TPD52: variants seen among roughly 807,000 people sequenced by gnomAD.
The protein encoded by TPD52 is prostate and colon associated protein.
TPD52 carries 17 observed loss-of-function variants against 31.3 expected under a neutral mutation model. The ratio of observed to expected loss-of-function variants is 0.54; its 90% CI spans 0.37 to 0.82. The LOEUF is 0.82. Among genes scored for constraint, TPD52 ranks in the 40% least tolerant of loss-of-function variants. The pLI is 0.00. For synonymous variants in TPD52, 83 were observed against 89.6 expected (o/e 0.93, Z 0.42); for missense variants, 212 against 240.1 (o/e 0.88, Z 0.77).
At chr8:80,104,752 T>C (rs918509573) in intron 1 of TPD52, among the ~76,000 whole-genome samples, 19 of 151,902 alleles carry the variant, frequency 1.3e-4, no homozygotes, top group Middle Eastern at 6.8e-3. Flanking sequence ...TAACCAGGTC[T>C]GCTTCTTTTT....
At chr8:80,055,786 T>C (rs6981810) in intron 2 of TPD52, among the ~76,000 whole-genome samples, 4,918 of 152,244 alleles carry the variant, frequency 0.032, 190 homozygotes, top group African/African-American at 0.091. Flanking sequence ...ATATTAAAAA[T>C]GCTCAACATC....
At chr8:80,119,003 T>C (rs1249202003) in intron 1 of TPD52, among the ~76,000 whole-genome samples, 1 of 152,058 alleles carries the variant, frequency 6.6e-6, no homozygotes, top group African/African-American at 2.4e-5. Context: ...AGTTAAAAAG[T>C]AAAAACAACC....
In TPD52 at chr8:80,064,577, G is replaced by A. The variant is rs373493951; in HGVS notation, c.36C>T (p.Asp12=). The change falls in exon 2 of 8, where the codon GAC becomes GAT. Residue 12 remains aspartate (D), a synonymous_variant. Coordinates refer to ENST00000518937, the MANE Select transcript of TPD52 (RefSeq NM_001025253.3). ...DRGEQGLLRT[D]PVPEEGEDVA... ...CATCTTCTCCTTCCTCAGGGACTGG[G>A]TCTGTTCTCAGCAGACCTGGTTGGG... 8.7e-6 allele frequency: 14 copies of A among 1,613,908 alleles called. No individual in the cohort carries two copies. In the African/African-American group the frequency reaches 1.9e-4, roughly 22 times the overall value.
At chr8:80,161,555 G>T (rs1811360434) in intron 1 of TPD52, among the ~76,000 whole-genome samples, 1 of 151,894 alleles carries the variant, frequency 6.6e-6, no homozygotes, top group Non-Finnish European at 1.5e-5. Context: ...CATTCTAGTG[G>T]GTTGGATAAA....
downstream of TPD52, among the ~76,000 whole-genome samples, chr8:80,032,312 C>G (rs2050996030): frequency 6.6e-6 from 1 of 152,144 alleles, no homozygotes; most frequent in Non-Finnish European, 1.5e-5. Context: ...TTTCTCCTTG[C>G]CTATACAAGT....
At chr8:80,119,252 G>T (rs753864261) in intron 1 of TPD52, among the ~76,000 whole-genome samples, 1 of 152,144 alleles carries the variant, frequency 6.6e-6, no homozygotes, top group Non-Finnish European at 1.5e-5. Flanking sequence ...ATTGCCTAGG[G>T]CTGGGAGTAA....
At chr8:80,041,579 G>A (rs1421187826) in intron 7 of TPD52, among the ~76,000 whole-genome samples, 1 of 152,152 alleles carries the variant, frequency 6.6e-6, no homozygotes, top group Admixed American at 6.5e-5. Flanking sequence ...GAGGTTGCCT[G>A]TGATCCTAAG....
intron 1 of TPD52, among the ~76,000 whole-genome samples, chr8:80,167,756 C>G (rs1811809882): frequency 1.3e-5 from 2 of 151,828 alleles, no homozygotes; most frequent in African/African-American, 2.4e-5. Flanking sequence ...TTTTTGAAGC[C>G]TTTCCTCTCT....
At chr8:80,124,615 C>A (rs1808475492) in intron 1 of TPD52, among the ~76,000 whole-genome samples, 1 of 152,140 alleles carries the variant, frequency 6.6e-6, no homozygotes, top group Non-Finnish European at 1.5e-5. Flanking sequence ...GTGTGGCTTA[C>A]AATTGATAGT....
At chr8:80,080,662 T>C (rs148226804) in intron 1 of TPD52, 174 of 1,287,518 alleles carry the variant, frequency 1.4e-4, no homozygotes, top group Middle Eastern at 3.0e-4. Context: ...ATTTAATAAA[T>C]GATTTATCCT....
intron 1 of TPD52, among the ~76,000 whole-genome samples, chr8:80,082,272 T>C (rs1815374089): frequency 6.6e-6 from 1 of 152,198 alleles, no homozygotes; most frequent in Non-Finnish European, 1.5e-5. Flanking sequence ...AAGAATGGAT[T>C]GTCTGGCTTC....
intron 1 of TPD52, among the ~76,000 whole-genome samples, chr8:80,071,525 A>G (rs1813784273): frequency 6.6e-6 from 1 of 151,918 alleles, no homozygotes; most frequent in Admixed American, 6.6e-5. Flanking sequence ...TCCACTAAGG[A>G]CAATTCTGGG....
At chr8:80,162,913 G>A (rs56934101) in intron 1 of TPD52, among the ~76,000 whole-genome samples, 28,516 of 151,548 alleles carry the variant, frequency 0.19, 3,588 homozygotes, top group African/African-American at 0.36. Flanking sequence ...GTGACAGAGT[G>A]AGACTGTGTC....
chr8:80,103,777 C>T (rs1426421515), intron 1 of TPD52, among the ~76,000 whole-genome samples: 1 of 152,160 alleles, frequency 6.6e-6, no homozygotes, highest in East Asian at 1.9e-4. Context: ...CTGGGTTTTG[C>T]AGGGAGGCTT....
intron 6 of TPD52, among the ~76,000 whole-genome samples, chr8:80,043,253 C>T (rs956349577): frequency 6.6e-6 from 1 of 152,082 alleles, no homozygotes; most frequent in Non-Finnish European, 1.5e-5. Flanking sequence ...GAGGAGAGCA[C>T]GCTGAGCCCA....
chr8:80,133,413 C>T (rs901565738), intron 1 of TPD52, among the ~76,000 whole-genome samples: 1 of 152,136 alleles, frequency 6.6e-6, no homozygotes, highest in Non-Finnish European at 1.5e-5. Flanking sequence ...GGATGCCAAC[C>T]CCCCTCAAAT....
rs577616181 is a variant in TPD52, at chr8:80,125,269, G to A, written c.19+46156C>T. Among the ~76,000 whole-genome samples, 7 of 152,302 alleles carry A rather than the reference G, an allele frequency of 4.6e-5. No individual in the cohort carries two copies. In the South Asian group the frequency reaches 1.5e-3, roughly 32 times the overall value. ...AAGGACTGCTTAAGGCCAGTAGTTGGAGAGACTAGCCTAACCAAAATATTA... is the reference window on the plus strand; with the variant it reads ...AAGGACTGCTTAAGGCCAGTAGTTGAAGAGACTAGCCTAACCAAAATATTA... On this transcript the variant is annotated intron_variant, in intron 1 of 7. Coordinates refer to ENST00000518937, the MANE Select transcript of TPD52 (RefSeq NM_001025253.3).
chr8:80,112,266 A>T (rs756710899), intron 1 of TPD52, among the ~76,000 whole-genome samples: 1 of 152,242 alleles, frequency 6.6e-6, no homozygotes, highest in Non-Finnish European at 1.5e-5. Flanking sequence ...CAATAATTCT[A>T]TGAAGTAGAT....
At chr8:80,144,483 T>A (rs931275342) in intron 1 of TPD52, among the ~76,000 whole-genome samples, 1 of 152,368 alleles carries the variant, frequency 6.6e-6, no homozygotes, top group East Asian at 1.9e-4. Flanking sequence ...AGGGCCTGTC[T>A]TTGTCACACA....
Sources: allele counts gnomAD v4.1 joint callset (sites outside exome capture counted in the v4.1 genomes callset), GRCh38; gene constraint gnomAD v4.1.1; transcripts MANE v1.5; gene names NCBI Gene and HGNC (gene_info 2026-07-23, HGNC 2026-07-21).